The following RABGAP1L variants were observed in gnomAD, a reference collection of about 807,000 sequenced individuals.
RABGAP1L encodes RAB GTPase activating protein 1 like.
A neutral mutation model predicts 137.7 loss-of-function variants in RABGAP1L; 63 were observed. That is an observed-to-expected ratio of 0.46 (90% CI 0.37 to 0.56). RABGAP1L has a LOEUF of 0.56. Among genes scored for constraint, RABGAP1L ranks in the 20% least tolerant of loss-of-function variants. The pLI is 0.00. For synonymous variants in RABGAP1L, 431 were observed against 433.7 expected, an observed-to-expected ratio of 0.99 and a Z score of 0.08; for missense variants, 1,095 against 1,244.0, an observed-to-expected ratio of 0.88 and a Z score of 1.80.
intron 18 of RABGAP1L, among the ~76,000 whole-genome samples, chr1:174,763,431 AC>A (rs1429224647): frequency 6.7e-6 from 1 of 148,314 alleles, no homozygotes; most frequent in Non-Finnish European, 1.5e-5. Context: ...CGGGCGGATC[AC>A]GAGGTCAGGA....
chr1:174,534,215 T>C (rs1664693217), intron 13 of RABGAP1L, among the ~76,000 whole-genome samples: 1 of 151,402 alleles, frequency 6.6e-6, no homozygotes, highest in East Asian at 2.0e-4. Context: ...TTGACTGTTT[T>C]TAAACTTTAT....
chr1:174,957,401 A>AT (rs1162249532), intron 19 of RABGAP1L, 56 bp from the exon 20 acceptor site: 34 of 1,420,754 alleles, frequency 2.4e-5, no homozygotes, highest in South Asian at 9.3e-5. Flanking sequence ...ACACACCTGA[A>AT]TTTTTTTTCA....
chr1:174,820,003 A>G (rs1690851284), intron 19 of RABGAP1L, among the ~76,000 whole-genome samples: 1 of 152,114 alleles, frequency 6.6e-6, no homozygotes. Context: ...TTTCTGTTAA[A>G]CAGGATCTAG....
intron 15 of RABGAP1L, among the ~76,000 whole-genome samples, chr1:174,691,091 G>A (rs1279576578): frequency 1.3e-5 from 2 of 152,018 alleles, no homozygotes; most frequent in Non-Finnish European, 2.9e-5. Flanking sequence ...GCCTCCCAAA[G>A]TGCTGGGACT....
At chr1:174,571,895 T>C (rs780497677) in intron 13 of RABGAP1L, among the ~76,000 whole-genome samples, 3 of 152,230 alleles carry the variant, frequency 2.0e-5, no homozygotes, top group African/African-American at 7.2e-5. Flanking sequence ...GAAATTCTTA[T>C]CATTTTTTTC....
intron 14 of RABGAP1L, among the ~76,000 whole-genome samples, chr1:174,646,115 C>G (rs1674948699): frequency 6.6e-6 from 1 of 152,020 alleles, no homozygotes; most frequent in East Asian, 1.9e-4. Flanking sequence ...GATATTAGCC[C>G]TTGGTCAGAT....
intron 17 of RABGAP1L, among the ~76,000 whole-genome samples, chr1:174,750,236 G>A (rs1390902856): frequency 6.6e-6 from 1 of 152,120 alleles, no homozygotes; most frequent in Non-Finnish European, 1.5e-5. Flanking sequence ...TTGCTACAGG[G>A]TGTTTGCTGT....
chr1:174,958,119 G>T (rs1425762640), intron 20 of RABGAP1L: 1 of 1,500,678 alleles, frequency 6.7e-7, no homozygotes, highest in Non-Finnish European at 8.9e-7. Flanking sequence ...GCCTCTGTCT[G>T]TAGAAAATGT....
At chr1:174,967,617 A>G (rs1669750970) in intron 20 of RABGAP1L, among the ~76,000 whole-genome samples, 1 of 151,828 alleles carries the variant, frequency 6.6e-6, no homozygotes, top group Non-Finnish European at 1.5e-5. Context: ...GGGATTACAG[A>G]CATGAGCCAC....
At chr1:174,952,339 C>CAAA (rs59406597) in intron 19 of RABGAP1L, among the ~76,000 whole-genome samples, 716 of 31,602 alleles carry the variant, frequency 0.023, 61 homozygotes, top group African/African-American at 0.065. Context: ...CTGGCTCTAC[C>CAAA]AAAAAAAAAA....
chr1:174,982,220 G>T (rs2285209), intron 23 of RABGAP1L, among the ~76,000 whole-genome samples: 16,285 of 151,956 alleles, frequency 0.11, 949 homozygotes, highest in East Asian at 0.23. Context: ...TGCCGTGGTG[G>T]TTTGCTGAAC....
At chr1:174,619,111 A>G (rs529711978) in intron 13 of RABGAP1L, among the ~76,000 whole-genome samples, 50 of 152,246 alleles carry the variant, frequency 3.3e-4, no homozygotes, top group Middle Eastern at 6.8e-3. Flanking sequence ...AAAGAAATGA[A>G]CAAAGCCTCC....
chr1:174,494,591 T>C (rs571018962), intron 13 of RABGAP1L, among the ~76,000 whole-genome samples: 2 of 152,322 alleles, frequency 1.3e-5, no homozygotes, highest in South Asian at 4.1e-4. Flanking sequence ...TAAAGCTAAT[T>C]TATTTTCTCT....
chr1:174,524,922 T>G lies in RABGAP1L; in HGVS notation c.1711-112453T>G, dbSNP rs147973090. On this transcript the variant is annotated intron_variant, in intron 13 of 25. Transcript: ENST00000681986. ...TGTGTCCTTTTCCCAGCATATGTTCTTGGTGCCTTTGTCAAAAATCAGTTA... is the reference window on the plus strand; with the variant it reads ...TGTGTCCTTTTCCCAGCATATGTTCGTGGTGCCTTTGTCAAAAATCAGTTA... 2.3e-3 allele frequency among the ~76,000 whole-genome samples: 351 copies of G among 152,290 alleles called. 1 individual carries two copies. The highest frequency in any genetic ancestry group is 8.0e-3 in the African/African-American group (333 of 41,564).
At chr1:174,734,969 T>A (rs953744556) in intron 17 of RABGAP1L, among the ~76,000 whole-genome samples, 2 of 148,558 alleles carry the variant, frequency 1.3e-5, no homozygotes, top group Non-Finnish European at 3.0e-5. Context: ...TTTTTTTTTT[T>A]TTTTTTTTTA....
intron 13 of RABGAP1L, among the ~76,000 whole-genome samples, chr1:174,637,042 A>T (rs1036229410): frequency 2.6e-5 from 4 of 152,202 alleles, no homozygotes; most frequent in Non-Finnish European, 5.9e-5. Context: ...CTTGATAAGG[A>T]ACACTCTATG....
intron 19 of RABGAP1L, among the ~76,000 whole-genome samples, chr1:174,923,176 T>C (rs916079434): frequency 1.3e-5 from 2 of 151,548 alleles, no homozygotes; most frequent in Non-Finnish European, 2.9e-5. Flanking sequence ...AGCATATCTA[T>C]AGAGTTGTAG....
At chr1:174,958,821 C>T (rs116442561) in intron 20 of RABGAP1L, among the ~76,000 whole-genome samples, 2,556 of 152,256 alleles carry the variant, frequency 0.017, 53 homozygotes, top group African/African-American at 0.059. Context: ...TGCCACCATT[C>T]AGCATCTTCG....
chr1:174,608,839 A>T (rs1465685293), intron 13 of RABGAP1L, among the ~76,000 whole-genome samples: 3 of 152,206 alleles, frequency 2.0e-5, no homozygotes, highest in African/African-American at 7.2e-5. Context: ...TAGTTTAGGC[A>T]TAAAGTGATA....
Sources: gnomAD v4.1 joint callset for allele counts (sites outside exome capture counted in the v4.1 genomes callset) on GRCh38, gnomAD v4.1.1 for gene constraint, MANE v1.5 for transcripts, NCBI Gene and HGNC (gene_info 2026-07-23, HGNC 2026-07-21) for gene names.